Variants in FANCL observed in about 807,000 individuals in gnomAD.
The protein encoded by FANCL is FA complementation group L.
Under a neutral mutation model 59.4 loss-of-function variants are expected in FANCL, and 69 were observed. The ratio of observed to expected loss-of-function variants is 1.16; its 90% CI spans 0.96 to 1.42. The LOEUF (loss-of-function observed/expected upper bound fraction) is 1.42, where lower values mean the gene tolerates loss of function less well. Ranked by LOEUF, FANCL falls within the 40% of genes most tolerant of loss-of-function variation. The pLI is 0.00. For missense variants in FANCL, 519 were observed against 447.2 expected (o/e 1.16, Z -1.45); for synonymous variants, 180 against 147.1 (o/e 1.22, Z -1.62).
chr2:58,225,829 G>A (rs1692944927), intron 4 of FANCL, among the ~76,000 whole-genome samples: 2 of 151,958 alleles, frequency 1.3e-5, no homozygotes, highest in African/African-American at 4.8e-5. Flanking sequence ...GAATAAAAAG[G>A]GTGAGGTAAA....
chr2:58,217,376 A>G (rs964238014), intron 5 of FANCL, among the ~76,000 whole-genome samples: 9 of 150,770 alleles, frequency 6.0e-5, no homozygotes, highest in Non-Finnish European at 1.0e-4. Flanking sequence ...TCTAGGAGAG[A>G]ATCTATTCCT....
intron 7 of FANCL, among the ~76,000 whole-genome samples, chr2:58,183,264 TATCC>T (rs1484489205): frequency 6.6e-6 from 1 of 151,800 alleles, no homozygotes; most frequent in Non-Finnish European, 1.5e-5. Flanking sequence ...CAAATAAAAA[TATCC>T]AAACTCTTAA....
intron 12 of FANCL, 35 bp downstream of exon 12, chr2:58,161,487 C>T (rs760587361): frequency 1.6e-5 from 20 of 1,280,624 alleles, no homozygotes; most frequent in East Asian, 1.4e-4. Flanking sequence ...GTTGTGTTAG[C>T]GGAAAAAAGT....
rs553383773 is a variant in FANCL at position 58,172,469 on chromosome 2, G to A, written c.541-6595C>T. On this transcript the variant is annotated intron_variant, in intron 7 of 13. Coordinates refer to ENST00000233741, the MANE Select transcript of FANCL (RefSeq NM_018062.4). ...GAAAATCTGCTGTTCTGCAGCCACC[G>A]CTACTGGTACCCAGGCAAACAGGGT... Among the ~76,000 whole-genome samples, 14 of 152,298 alleles carry A rather than the reference G, an allele frequency of 9.2e-5. No individual in the cohort carries two copies. The South Asian group carries it at 2.1e-3, about 23-fold the overall frequency.
At chr2:58,186,870 T>C (rs771835604) in intron 7 of FANCL, among the ~76,000 whole-genome samples, 16 of 152,080 alleles carry the variant, frequency 1.1e-4, no homozygotes, top group Non-Finnish European at 1.6e-4. Flanking sequence ...GAATGAGATA[T>C]CATCTCACAC....
intron 6 of FANCL, among the ~76,000 whole-genome samples, chr2:58,198,977 C>T (rs904265049): frequency 2.7e-5 from 4 of 147,038 alleles, no homozygotes; most frequent in Admixed American, 6.9e-5. Context: ...GGCAGTGAGC[C>T]GAGACTGCGC....
intron 4 of FANCL, among the ~76,000 whole-genome samples, chr2:58,225,464 T>G (rs1692910926): frequency 6.6e-6 from 1 of 151,982 alleles, no homozygotes; most frequent in Non-Finnish European, 1.5e-5. Context: ...AATGAAACAT[T>G]AGATACAGGC....
At chr2:58,174,116 G>A (rs1686998591) in intron 7 of FANCL, among the ~76,000 whole-genome samples, 1 of 152,100 alleles carries the variant, frequency 6.6e-6, no homozygotes, top group Admixed American at 6.5e-5. Context: ...ACCCAATACA[G>A]GAGCACCCAG....
At chr2:58,240,102 GC>G (rs1169129328) in intron 1 of FANCL, among the ~76,000 whole-genome samples, 1 of 133,586 alleles carries the variant, frequency 7.5e-6, no homozygotes, top group Non-Finnish European at 1.5e-5. Context: ...GGTATAACAT[GC>G]TTCCTGTAAA....
intron 8 of FANCL, among the ~76,000 whole-genome samples, chr2:58,165,263 GCTTT>G (rs758091193): frequency 2.1e-4 from 32 of 151,980 alleles, no homozygotes; most frequent in Non-Finnish European, 4.0e-4. Context: ...CTTTCTCTGT[GCTTT>G]CTGTTTACTC....
At chr2:58,240,858 T>A (rs1468976112) in intron 1 of FANCL, among the ~76,000 whole-genome samples, 1 of 151,130 alleles carries the variant, frequency 6.6e-6, no homozygotes, top group African/African-American at 2.4e-5. Context: ...TCCGTGGAGG[T>A]GGAGGGTGTT....
intron 1 of FANCL, 117 bp from the exon 2 acceptor site, chr2:58,232,229 T>C: frequency 1.2e-6 from 1 of 819,808 alleles, no homozygotes; most frequent in Non-Finnish European, 2.1e-6. Context: ...AAGGTATCAA[T>C]TTTATCCACA....
rs1451873493 is a variant in FANCL, at chr2:58,222,018, C to T, written c.298G>A (p.Glu100Lys). ...LLEVALKNRQ[E>K]LYALPPPPQF... Reference sequence around the variant, plus strand: ...GGAGGAGGAGGTAGTGCATACAGCTCTTGTCTATTCTTTAAGGCAACTTCC... The same window carrying T: ...GGAGGAGGAGGTAGTGCATACAGCTTTTGTCTATTCTTTAAGGCAACTTCC... Residue 100 changes from glutamate (E) to lysine (K), a missense_variant, in exon 5 of 14, where the codon GAG becomes AAG. Glu to Lys is a moderately conservative substitution (Grantham distance 56). Transcript: ENST00000233741. 10 of 1,613,142 alleles carry T rather than the reference C, an allele frequency of 6.2e-6. No individual in the cohort carries two copies. The highest frequency in any genetic ancestry group is 8.5e-6 in the Non-Finnish European group (10 of 1,179,406).
chr2:58,198,549 T>C (rs753522452), intron 7 of FANCL, 45 bp downstream of exon 7: 159 of 1,537,348 alleles, frequency 1.0e-4, no homozygotes, highest in Non-Finnish European at 1.4e-4. Context: ...CTGTACTTTT[T>C]AATTACTTAA....
At chr2:58,177,360 A>C (rs1324075570) in intron 7 of FANCL, among the ~76,000 whole-genome samples, 3 of 152,160 alleles carry the variant, frequency 2.0e-5, no homozygotes, top group Non-Finnish European at 2.9e-5. Context: ...TATTCACAAC[A>C]GCAAAGACTT....
intron 10 of FANCL, 31 bp downstream of exon 10, chr2:58,162,998 A>C: frequency 6.2e-7 from 1 of 1,612,816 alleles, no homozygotes; most frequent in Middle Eastern, 1.7e-4. Context: ...AAATCACCAA[A>C]AAGTAAAAAT....
chr2:58,180,017 A>G (rs985034727), intron 7 of FANCL, among the ~76,000 whole-genome samples: 1 of 152,242 alleles, frequency 6.6e-6, no homozygotes, highest in African/African-American at 2.4e-5. Context: ...CAAAACCACA[A>G]TGAGATACTA....
At chr2:58,173,155 G>A (rs761371487) in intron 7 of FANCL, among the ~76,000 whole-genome samples, 22 of 152,126 alleles carry the variant, frequency 1.4e-4, no homozygotes, top group African/African-American at 3.4e-4. Context: ...CCAAACCTAC[G>A]TCTGATTTGT....
chr2:58,188,751 A>T lies in FANCL; in HGVS notation c.540+9843T>A, dbSNP rs1688645453. Among the ~76,000 whole-genome samples the T allele has an allele frequency of 2.0e-5, 3 of 151,330 alleles. No homozygotes were observed. The South Asian group carries it at 6.3e-4, about 32-fold the overall frequency. ...CACTGCGACCAGCCATAATTTTGTC[A>T]ATTTCTTAAATTAGGAAGGAAAAAA... On this transcript the variant is annotated intron_variant, in intron 7 of 13. Transcript: ENST00000233741.
Sources: gnomAD v4.1 joint callset for allele counts (sites outside exome capture counted in the v4.1 genomes callset) on GRCh38, gnomAD v4.1.1 for gene constraint, MANE v1.5 for transcripts, NCBI Gene and HGNC (gene_info 2026-07-23, HGNC 2026-07-21) for gene names.